The following R3HDM2 variants were observed in gnomAD, a reference collection of about 807,000 sequenced individuals.
R3HDM2 encodes the protein R3H domain containing 2.
A neutral mutation model predicts 124.5 loss-of-function variants in R3HDM2; 38 were observed. That is an observed-to-expected ratio of 0.31 (90% CI 0.24 to 0.40). The LOEUF (loss-of-function observed/expected upper bound fraction) is 0.40. Among genes scored for constraint, R3HDM2 ranks in the 10% least tolerant of loss-of-function variants. The pLI, the probability that R3HDM2 is intolerant of heterozygous loss-of-function variation, is 1.00. For synonymous variants in R3HDM2, 391 were observed against 448.0 expected, an observed-to-expected ratio of 0.87 and a Z score of 1.61; for missense variants, 869 against 1,236.9, an observed-to-expected ratio of 0.70 and a Z score of 4.46.
intron 2 of R3HDM2, among the ~76,000 whole-genome samples, chr12:57,348,730 A>G (rs952857474): frequency 9.3e-5 from 13 of 140,454 alleles, no homozygotes; most frequent in African/African-American, 3.4e-4. Flanking sequence ...AAGAGAGAGA[A>G]AAATTAGCCA....
At chr12:57,402,930 T>C (rs151034289) in intron 1 of R3HDM2, among the ~76,000 whole-genome samples, 4 of 152,316 alleles carry the variant, frequency 2.6e-5, no homozygotes, top group East Asian at 1.9e-4. Context: ...AGAACCATTT[T>C]TGTAAAATGG....
rs2038906107 is a variant in R3HDM2 at position 57,256,085 on chromosome 12, T to C, written c.2548-11A>G. The C allele has an allele frequency of 6.2e-6, 10 of 1,609,488 alleles. No individual in the cohort carries two copies. Among genetic ancestry groups the C allele is most frequent in the Non-Finnish European group, 8.5e-6 (10 of 1,175,774 alleles). ...CAGTCCACTCTGTCCCTTCAACATT[T>C]GAAAGACGACTCTCATCCCATGTAA... is the stretch of plus-strand genomic sequence containing the variant. On this transcript the variant is annotated splice_polypyrimidine_tract_variant and intron_variant, in intron 22 of 23. Coordinates refer to ENST00000402412, the MANE Select transcript of R3HDM2 (RefSeq NM_001394031.1).
chr12:57,255,217 T>C (rs765012335), intron 23 of R3HDM2, 104 bp from the exon 24 acceptor site: 301 of 955,616 alleles, frequency 3.1e-4, no homozygotes, highest in Non-Finnish European at 2.2e-4. Context: ...CTGTATACAA[T>C]GTCTTCAAAA....
chr12:57,359,813 A>G (rs2061670071), intron 2 of R3HDM2, among the ~76,000 whole-genome samples: 1 of 151,668 alleles, frequency 6.6e-6, no homozygotes, highest in African/African-American at 2.4e-5. Context: ...TTATTGGCTT[A>G]CTAGCTACAC....
At chr12:57,352,149 G>A (rs1164695469) in intron 2 of R3HDM2, among the ~76,000 whole-genome samples, 2 of 150,852 alleles carry the variant, frequency 1.3e-5, no homozygotes, top group Non-Finnish European at 2.9e-5. Flanking sequence ...GGCTGAGGCA[G>A]GAGAATCACT....
chr12:57,421,430 G>A lies in R3HDM2; in HGVS notation c.-106+9290C>T, dbSNP rs1402993254. ...CTCCCAAAGTGCTGGGATTACAGGC[G>A]TAAGCGACCACACCCAGCTCTTTTT... On this transcript the variant is annotated intron_variant, in intron 1 of 23. Transcript: ENST00000402412. 3.5e-5 allele frequency among the ~76,000 whole-genome samples: 5 copies of A among 144,820 alleles called. No individual in the cohort carries two copies. The East Asian group carries it at 6.2e-4, about 18-fold the overall frequency.
chr12:57,317,669 A>T (rs1354425600), intron 2 of R3HDM2, among the ~76,000 whole-genome samples: 3 of 5,380 alleles, frequency 5.6e-4, no homozygotes, highest in African/African-American at 6.7e-4. Context: ...GAAGATAGTT[A>T]AAAAAAAAAA....
At chr12:57,307,626 CTTT>C (rs1019477707) in intron 3 of R3HDM2, among the ~76,000 whole-genome samples, 6 of 103,680 alleles carry the variant, frequency 5.8e-5, no homozygotes, top group African/African-American at 7.2e-5. Flanking sequence ...CAGCCATGCT[CTTT>C]TTTTTTTTTT....
Position 57,310,320 on chromosome 12 carries a change from T to C in R3HDM2, c.109A>G (p.Ser37Gly). ...CATTCTTTCTCAATTTCTTCCTTAC[T>C]TGGAGTCTTAGATATAAACTTGTTT... ...NKNKFISKTP[S>G]KEEIEKECED... Residue 37 changes from serine to glycine, a missense_variant, in exon 3 of 24, where the codon AGT becomes GGT. This residue lies in a region of R3HDM2 where 267 missense variants were observed against 447.7 expected (regional missense o/e 0.60). Transcript: ENST00000402412. 6.5e-7 allele frequency: 1 copy of C among 1,548,610 alleles called. No homozygotes were observed. The highest frequency in any genetic ancestry group is 8.7e-7 in the Non-Finnish European group (1 of 1,146,142).
At chr12:57,350,870 G>A (rs1034107119) in intron 2 of R3HDM2, among the ~76,000 whole-genome samples, 4 of 152,124 alleles carry the variant, frequency 2.6e-5, no homozygotes, top group African/African-American at 9.7e-5. Flanking sequence ...GGAGGCCAAG[G>A]AGGGTGAATC....
In R3HDM2 at chr12:57,292,565, C is replaced by T; in HGVS notation, c.906+7G>A. On this transcript the variant is annotated splice_region_variant and intron_variant, in intron 11 of 23. Transcript: ENST00000402412. ...ATGGGCTGACAACTCTCAGATGCTA[C>T]ACTTACCTCTCGGGCAAATATTCTC... 1 of 1,541,572 alleles carries T rather than the reference C, an allele frequency of 6.5e-7. No homozygotes were observed. Among genetic ancestry groups the T allele is most frequent in the Non-Finnish European group, 8.8e-7 (1 of 1,138,894 alleles).
At chr12:57,347,702 TG>T (rs1397104531) in intron 2 of R3HDM2, among the ~76,000 whole-genome samples, 1 of 152,226 alleles carries the variant, frequency 6.6e-6, no homozygotes, top group African/African-American at 2.4e-5. Context: ...ACCTAGTCTG[TG>T]GTATTTTGCA....
intron 1 of R3HDM2, among the ~76,000 whole-genome samples, chr12:57,422,595 A>G (rs375270665): frequency 1.3e-5 from 2 of 152,184 alleles, no homozygotes; most frequent in East Asian, 1.9e-4. Context: ...CATAATCTTA[A>G]TAAGTCCTTC....
intron 2 of R3HDM2, among the ~76,000 whole-genome samples, chr12:57,321,502 T>G (rs2056438432): frequency 6.6e-6 from 1 of 151,902 alleles, no homozygotes; most frequent in Admixed American, 6.6e-5. Flanking sequence ...AATGCAAAAA[T>G]TAGCCGGGTG....
intron 2 of R3HDM2, among the ~76,000 whole-genome samples, chr12:57,337,828 A>G (rs1051469817): frequency 5.3e-5 from 8 of 152,188 alleles, no homozygotes; most frequent in African/African-American, 1.9e-4. Flanking sequence ...TTCTCAACTA[A>G]TAATAGCAGC....
chr12:57,340,014 T>C (rs1356093720), intron 2 of R3HDM2, among the ~76,000 whole-genome samples: 1 of 152,194 alleles, frequency 6.6e-6, no homozygotes. Flanking sequence ...GCTTTTCTTT[T>C]TCCTTGACCT....
At chr12:57,309,499 T>C (rs1380076203) in intron 3 of R3HDM2, among the ~76,000 whole-genome samples, 1 of 152,192 alleles carries the variant, frequency 6.6e-6, no homozygotes, top group East Asian at 1.9e-4. Context: ...ATGAAAAACA[T>C]GGCAAACAAA....
intron 2 of R3HDM2, among the ~76,000 whole-genome samples, chr12:57,393,070 C>T (rs1477669030): frequency 2.7e-5 from 4 of 150,178 alleles, no homozygotes; most frequent in South Asian, 4.2e-4. Context: ...TCCCAGAGTG[C>T]TGGGATTACA....
intron 3 of R3HDM2, chr12:57,304,560 A>T: frequency 2.1e-6 from 2 of 964,784 alleles, no homozygotes; most frequent in Non-Finnish European, 2.5e-6. Flanking sequence ...CAAAATGGAG[A>T]ACTGGGAAGG....
Sources: gnomAD v4.1 joint callset for allele counts (sites outside exome capture counted in the v4.1 genomes callset) on GRCh38, gnomAD v4.1.1 for gene constraint, gnomAD v4.1.1 regional missense constraint, MANE v1.5 for transcripts, NCBI Gene and HGNC (gene_info 2026-07-23, HGNC 2026-07-21) for gene names.